Variants in HIBCH observed in about 807,000 individuals in gnomAD.
HIBCH encodes the protein 3-hydroxyisobutyryl-CoA hydrolase.
A neutral mutation model predicts 58.2 loss-of-function variants in HIBCH; 50 were observed. The ratio of observed to expected loss-of-function variants is 0.86; its 90% CI spans 0.68 to 1.09. The LOEUF is 1.09. Ranked by LOEUF, HIBCH falls within the 50% of genes least tolerant of loss-of-function variation. The pLI is 0.00. For synonymous variants in HIBCH, 151 were observed against 146.9 expected, an observed-to-expected ratio of 1.03 and a Z score of -0.20; for missense variants, 450 against 449.7, an observed-to-expected ratio of 1.00 and a Z score of -0.01.
In HIBCH at chr2:190,214,178, C is replaced by T. The variant is rs1449291580; in HGVS notation, c.892-1103G>A. 1.3e-5 allele frequency: 2 copies of T among 152,252 alleles called. No homozygotes were observed. Among genetic ancestry groups the T allele is most frequent in the African/African-American group, 4.8e-5 (2 of 41,434 alleles). 9.4% of individuals were successfully genotyped at this position (152,252 alleles called of 1,614,324 possible). The stretch of plus-strand genomic sequence containing the variant: ...TGTTCAGGAGACAGCGGAGGTGACA[C>T]AAGGAGAAAAGCAGGCACCATGGCA... On this transcript the variant is annotated intron_variant, in intron 11 of 13. Coordinates refer to ENST00000359678, the MANE Select transcript of HIBCH (RefSeq NM_014362.4). The surrounding 1 kb of genome is among the most constrained non-coding windows in gnomAD (Gnocchi z 5.5).
At chr2:190,293,114 C>A (rs1687997554) in intron 4 of HIBCH, among the ~76,000 whole-genome samples, 1 of 152,148 alleles carries the variant, frequency 6.6e-6, no homozygotes, top group Non-Finnish European at 1.5e-5. Context: ...AAACTCAATA[C>A]ATAAAGCTCT....
intron 4 of HIBCH, among the ~76,000 whole-genome samples, chr2:190,291,739 T>C (rs1687962937): frequency 6.6e-6 from 1 of 152,174 alleles, no homozygotes; most frequent in African/African-American, 2.4e-5. Context: ...TCTGTTGCAA[T>C]CTTCTATTAC....
Position 190,212,945 on chromosome 2 carries a change from T to A in HIBCH, c.1011+11A>T, listed in dbSNP as rs550386327. On this transcript the variant is annotated intron_variant, in intron 12 of 13. Transcript: ENST00000359678. ...GAACTAAAAAATGACATTTTTTTTT[T>A]AAATTCTTACCATACAAGCTTGACT... The A allele has an allele frequency of 9.6e-5, 154 of 1,605,308 alleles. 1 individual carries two copies. Among genetic ancestry groups the A allele is most frequent in the East Asian group, 9.4e-4 (42 of 44,760 alleles).
rs377010057 is a variant in HIBCH, at chr2:190,248,759, G to A, written c.750+881C>T. ...GCCTGTAATCCCAGCTACTCGGGAG[G>A]CTGAGGCACGAGAATCGCTTGAACC... On this transcript the variant is annotated intron_variant, in intron 9 of 13. Transcript: ENST00000359678. Among the ~76,000 whole-genome samples, 7 of 152,024 alleles carry A rather than the reference G, an allele frequency of 4.6e-5. No individual in the cohort carries two copies. In the South Asian group the frequency reaches 6.2e-4, roughly 14 times the overall value.
At chr2:190,193,398 G>C (rs1056285843) in intron 1 of HIBCH, among the ~76,000 whole-genome samples, 1 of 152,002 alleles carries the variant, frequency 6.6e-6, no homozygotes, top group African/African-American at 2.4e-5. Context: ...TGTCTTCTTG[G>C]TAATACTGGC....
Position 190,267,400 on chromosome 2 carries a change from T to C in HIBCH, c.439-6166A>G, listed in dbSNP as rs528597209. Among the ~76,000 whole-genome samples, 49 of 152,302 alleles carry C rather than the reference T, an allele frequency of 3.2e-4. 1 individual carries two copies. Among genetic ancestry groups the C allele is most frequent in the Admixed American group, 8.5e-4 (13 of 15,300 alleles). On this transcript the variant is annotated intron_variant, in intron 6 of 13. Transcript: ENST00000359678. Reference sequence around the variant, plus strand: ...TTAGTAGAGACGGAGTTTCACCATGTTGGTCAGGCTTGTCTTGAATGCCTG... The same window carrying C: ...TTAGTAGAGACGGAGTTTCACCATGCTGGTCAGGCTTGTCTTGAATGCCTG...
chr2:190,247,589 C>T lies in HIBCH; in HGVS notation c.751-1377G>A, dbSNP rs890327898. ...TTCCTAATGATTAGATTTTGGACCT[C>T]TTGGAATAATACCTCTAGTTTTCCA... is the stretch of plus-strand genomic sequence containing the variant. On this transcript the variant is annotated intron_variant, in intron 9 of 13. Coordinates refer to ENST00000359678, the MANE Select transcript of HIBCH (RefSeq NM_014362.4). Among the ~76,000 whole-genome samples the T allele has an allele frequency of 5.3e-5, 8 of 152,286 alleles. 1 individual carries two copies. The South Asian group carries it at 1.7e-3, about 32-fold the overall frequency.
chr2:190,283,832 G>A (rs2664253), intron 6 of HIBCH, among the ~76,000 whole-genome samples: 81,862 of 152,028 alleles, frequency 0.54, 22,985 homozygotes, highest in South Asian at 0.6. Flanking sequence ...CAAATGATGT[G>A]ATTATATTCT....
At chr2:190,231,292 A>G (rs1315865251) in intron 11 of HIBCH, among the ~76,000 whole-genome samples, 1 of 152,256 alleles carries the variant, frequency 6.6e-6, no homozygotes, top group African/African-American at 2.4e-5. Flanking sequence ...GATATTCTGC[A>G]AGTAGCTGAA....
At chr2:190,201,927 C>G (rs1186880163), downstream of HIBCH, 1 of 166,962 alleles carries the variant, frequency 6.0e-6, no homozygotes, top group Non-Finnish European at 1.5e-5. Context: ...TTTTGCATCT[C>G]ACACCAAGAC....
chr2:190,293,953 T>C (rs1688028261), intron 4 of HIBCH, among the ~76,000 whole-genome samples: 1 of 150,218 alleles, frequency 6.7e-6, no homozygotes. Flanking sequence ...GAGTTTCTCT[T>C]TTTATCTCAG....
At chr2:190,249,590 T>C (rs1213106088) in intron 9 of HIBCH, 50 bp downstream of exon 9, 1 of 1,059,250 alleles carries the variant, frequency 9.4e-7, no homozygotes, top group Admixed American at 1.8e-5. Flanking sequence ...TTTTAATCAC[T>C]TCCCCTCCCC....
intron 10 of HIBCH, chr2:190,245,240 T>G (rs549618573): frequency 2.6e-6 from 1 of 381,552 alleles, no homozygotes; most frequent in East Asian, 5.8e-5. Flanking sequence ...CAATGAAAAA[T>G]CGATGCTTCT....
rs1248307156 is a variant in HIBCH at position 190,210,249 on chromosome 2, A to G, written c.1012-1336T>C. On this transcript the variant is annotated intron_variant, in intron 12 of 13. Transcript: ENST00000359678. This position sits in a 1 kb window ranked among gnomAD's most constrained non-coding sequence, Gnocchi z 5.5. ...AAATGGCTTGCCAAAACCACCCATG[A>G]CATCGGCATCGCCAAGGTCAAATGA... Among the ~76,000 whole-genome samples, 1 of 152,158 alleles carries G rather than the reference A, an allele frequency of 6.6e-6. No homozygotes were observed. Among genetic ancestry groups the G allele is most frequent in the African/African-American group, 2.4e-5 (1 of 41,428 alleles).
At position 190,279,314 on chromosome 2, in the gene HIBCH, G is replaced by T. The variant is rs566032131; in HGVS notation, c.438+8272C>A. On this transcript the variant is annotated intron_variant, in intron 6 of 13. Coordinates refer to ENST00000359678, the MANE Select transcript of HIBCH (RefSeq NM_014362.4). The surrounding 1 kb of genome is among the most constrained non-coding windows in gnomAD (Gnocchi z 4.2). ...TTAAGTTTCAACATGAGTTTCGGTGGGGACAAATATTCAAACCGTAGCATT... is the reference window on the plus strand; with the variant it reads ...TTAAGTTTCAACATGAGTTTCGGTGTGGACAAATATTCAAACCGTAGCATT... Among the ~76,000 whole-genome samples, 1 of 152,206 alleles carries T rather than the reference G, an allele frequency of 6.6e-6. No homozygotes were observed. The highest frequency in any genetic ancestry group is 2.4e-5 in the African/African-American group (1 of 41,524).
At chr2:190,200,050 C>T (rs773138134), downstream of HIBCH, 121 of 1,613,898 alleles carry the variant, frequency 7.5e-5, 1 homozygote, top group Admixed American at 2.2e-4. Flanking sequence ...ATATGCACAC[C>T]GCCTGTCTCA....
downstream of HIBCH, chr2:190,202,364 A>G (rs1356832464): frequency 6.0e-6 from 1 of 167,050 alleles, no homozygotes; most frequent in African/African-American, 2.4e-5. Context: ...TATGAACTAC[A>G]AGGCTTGCAT....
chr2:190,221,279 T>C (rs1685713109), intron 11 of HIBCH, among the ~76,000 whole-genome samples: 1 of 152,188 alleles, frequency 6.6e-6, no homozygotes, highest in East Asian at 1.9e-4. Flanking sequence ...AATCCTAGGC[T>C]TCACCACCTT....
intron 11 of HIBCH, among the ~76,000 whole-genome samples, chr2:190,229,208 T>C (rs1158766114): frequency 6.6e-6 from 1 of 152,208 alleles, no homozygotes; most frequent in African/African-American, 2.4e-5. Flanking sequence ...AATTCATGTA[T>C]ATTTAGATCA....
Sources: gnomAD v4.1 joint callset for allele counts (sites outside exome capture counted in the v4.1 genomes callset) on GRCh38, gnomAD v4.1.1 for gene constraint, Gnocchi (gnomAD v3.1) non-coding constraint, MANE v1.5 for transcripts, NCBI Gene and HGNC (gene_info 2026-07-23, HGNC 2026-07-21) for gene names.